The following TMEM8B variants were observed in gnomAD, a reference collection of about 807,000 sequenced individuals.
The protein encoded by TMEM8B is transmembrane protein 8B, also known as nasopharyngeal carcinoma expressed 6.
A neutral mutation model predicts 49.3 loss-of-function variants in TMEM8B; 29 were observed. The ratio of observed to expected loss-of-function variants is 0.59; its 90% CI spans 0.44 to 0.80. The LOEUF is 0.80. TMEM8B is among the 30% of genes least tolerant of loss of function. The pLI is 0.00. For synonymous variants in TMEM8B, 264 were observed against 272.8 expected, an observed-to-expected ratio of 0.97 and a Z score of 0.32; for missense variants, 575 against 658.5, an observed-to-expected ratio of 0.87 and a Z score of 1.39.
intron 10 of TMEM8B, among the ~76,000 whole-genome samples, chr9:35,852,524 T>C (rs1220012959): frequency 1.3e-5 from 2 of 152,134 alleles, no homozygotes; most frequent in South Asian, 2.1e-4. Context: ...TGGCCTCAGC[T>C]TGAGGGTATC....
Position 35,856,360 on chromosome 9 carries a change from T to C in TMEM8B, c.*2520T>C, listed in dbSNP as rs1242584193. On this transcript the variant is annotated 3_prime_UTR_variant, in exon 13 of 13. Coordinates refer to ENST00000643932, the MANE Select transcript of TMEM8B (RefSeq NM_001042590.4). ...AGAGGCAGGAAAGACTGATATTTAC[T>C]CCGGGCACTGAATAGTTCAGTGTGC... 2.0e-5 allele frequency: 3 copies of C among 152,278 alleles called. No individual in the cohort carries two copies. Among genetic ancestry groups the C allele is most frequent in the African/African-American group, 7.2e-5 (3 of 41,446 alleles). 9.4% of individuals were successfully genotyped at this position (152,278 alleles called of 1,614,324 possible).
intron 10 of TMEM8B, among the ~76,000 whole-genome samples, chr9:35,849,121 C>T (rs1831908408): frequency 6.6e-6 from 1 of 152,154 alleles, no homozygotes; most frequent in Admixed American, 6.5e-5. Flanking sequence ...TCTCTGTGGT[C>T]CCTCCTTGCC....
chr9:35,842,464 A>G lies in TMEM8B; in HGVS notation c.1382A>G (p.Asn461Ser), dbSNP rs749416871. The G allele has an allele frequency of 6.3e-7, 1 of 1,587,902 alleles. No homozygotes were observed. The change falls in exon 6 of 13, where the codon AAC (asparagine) becomes AGC (serine). Residue 461 changes from asparagine (N) to serine (S), a missense_variant. Transcript: ENST00000643932. The surrounding 1 kb of genome is among the most constrained non-coding windows in gnomAD (Gnocchi z 5.6). ...ATGAACATGCCCCAGTCCCTGGGCA[A>G]CCAGCCACTGCCCCCAGAACCGCCA... ...AAMNMPQSLG[N>S]QPLPPEPPSL... is the part of the protein sequence containing the mutation.
At chr9:35,837,590 T>C (rs1196741483) in intron 3 of TMEM8B, among the ~76,000 whole-genome samples, 1 of 152,116 alleles carries the variant, frequency 6.6e-6, no homozygotes, top group African/African-American at 2.4e-5. Flanking sequence ...CTGAGCGTGA[T>C]AGGGAGCCCT....
In TMEM8B at chr9:35,861,465, C is replaced by T. The variant is rs932738179; in HGVS notation, c.*7625C>T. The T allele has an allele frequency of 6.5e-6, 1 of 152,956 alleles. No homozygotes were observed. Among genetic ancestry groups the T allele is most frequent in the Non-Finnish European group, 1.5e-5 (1 of 68,388 alleles). The allele number at this position is 152,956 out of a possible 1,614,324, so 9.5% of individuals were successfully genotyped here. Reference sequence around the variant, plus strand: ...ACTGCCCTTGGCCATCCCTCTGTGTCATTGTGCGCTGTGGTGCACCTGTCT... The same window carrying T: ...ACTGCCCTTGGCCATCCCTCTGTGTTATTGTGCGCTGTGGTGCACCTGTCT... On this transcript the variant is annotated 3_prime_UTR_variant, in exon 13 of 13. Transcript: ENST00000643932.
chr9:35,846,464 C>G lies in TMEM8B; in HGVS notation c.1854-5C>G. The G allele has an allele frequency of 6.3e-7, 1 of 1,598,074 alleles. No individual in the cohort carries two copies. Among genetic ancestry groups the G allele is most frequent in the Non-Finnish European group, 8.5e-7 (1 of 1,172,102 alleles). ...GGCCCCAGGTGACTGCGAGTTTGTG[C>G]GCAGGTTCGTGCGGTGCCGCAACGC... On this transcript the variant is annotated splice_region_variant and splice_polypyrimidine_tract_variant and intron_variant, in intron 8 of 12. Transcript: ENST00000643932.
At chr9:35,847,436 C>G (rs1455034144) in intron 10 of TMEM8B, among the ~76,000 whole-genome samples, 2 of 152,232 alleles carry the variant, frequency 1.3e-5, no homozygotes, top group Non-Finnish European at 2.9e-5. Flanking sequence ...TGAGAGCTAG[C>G]TAGCTACTCT....
rs1256535605 is a variant in TMEM8B at position 35,856,676 on chromosome 9, GACCAATTTAAGAGCTGTTAGGAGTGA to G, written c.*2839_*2864del. 1 of 152,250 alleles carries G rather than the reference GACCAATTTAAGAGCTGTTAGGAGTGA, an allele frequency of 6.6e-6. No homozygotes were observed. 9.4% of individuals were successfully genotyped at this position (152,250 alleles called of 1,614,324 possible). The stretch of plus-strand genomic sequence containing the variant: ...AAAGCAATATCGGTGGAAAGGAGGG[GACCAATTTAAGAGCTGTTAGGAGTGA>G]ACTCTTTAGGACTTGGTGACTGATT... On this transcript the variant is annotated 3_prime_UTR_variant, in exon 13 of 13. Coordinates refer to ENST00000643932, the MANE Select transcript of TMEM8B (RefSeq NM_001042590.4).
At position 35,854,051 on chromosome 9, in the gene TMEM8B, T is replaced by G; in HGVS notation, c.*211T>G. 2 of 1,286,600 alleles carry G rather than the reference T, an allele frequency of 1.6e-6. No homozygotes were observed. Among genetic ancestry groups the G allele is most frequent in the Non-Finnish European group, 2.0e-6 (2 of 1,020,962 alleles). 79.7% of individuals were successfully genotyped at this position (1,286,600 alleles called of 1,614,324 possible). The stretch of plus-strand genomic sequence containing the variant: ...GAGTCCCCCTGCATCATGGAGTCCT[T>G]CTTAAGGACTGGAGCCTATGCAGGC... On this transcript the variant is annotated 3_prime_UTR_variant, in exon 13 of 13. Transcript: ENST00000643932.
intron 10 of TMEM8B, among the ~76,000 whole-genome samples, chr9:35,850,223 G>A (rs1832009088): frequency 6.6e-6 from 1 of 152,132 alleles, no homozygotes; most frequent in Admixed American, 6.5e-5. Context: ...AGCATTAGAT[G>A]CACTGTTACA....
intron 3 of TMEM8B, chr9:35,835,560 G>T (rs1056933490): frequency 9.3e-6 from 2 of 214,420 alleles, no homozygotes; most frequent in Non-Finnish European, 1.9e-5. Flanking sequence ...GCTATGGGCT[G>T]GTCCAATCTG....
intron 1 of TMEM8B, among the ~76,000 whole-genome samples, chr9:35,832,513 C>T (rs566708971): frequency 6.6e-6 from 1 of 152,224 alleles, no homozygotes; most frequent in Admixed American, 6.5e-5. Context: ...GTGGGGATGG[C>T]TTAGCTAGTT....
chr9:35,837,160 G>A (rs1260297719), intron 3 of TMEM8B, among the ~76,000 whole-genome samples: 1 of 152,150 alleles, frequency 6.6e-6, no homozygotes, highest in Non-Finnish European at 1.5e-5. Flanking sequence ...GGTGGGAACT[G>A]AAGAGTCCCA....
At position 35,829,415 on chromosome 9, in the gene TMEM8B, C is replaced by T. The variant is rs186013232; in HGVS notation, c.-33C>T. 85 of 346,046 alleles carry T rather than the reference C, an allele frequency of 2.5e-4. 1 individual carries two copies. Among genetic ancestry groups the T allele is most frequent in the African/African-American group, 1.8e-3 (82 of 46,258 alleles). 21.4% of individuals were successfully genotyped at this position (346,046 alleles called of 1,614,324 possible). A position where few individuals can be genotyped will look rare whatever the true frequency, so the allele number is the denominator to read the frequency against. ...GGGCCAGCTCTGCGAGCGCCCCGCG[C>T]TGGCCTGTCCGGCCCCGCCCCCGCC... On this transcript the variant is annotated 5_prime_UTR_variant, in exon 1 of 13. Coordinates refer to ENST00000643932, the MANE Select transcript of TMEM8B (RefSeq NM_001042590.4).
At position 35,846,399 on chromosome 9, in the gene TMEM8B, G is replaced by A. The variant is rs773525104; in HGVS notation, c.1853+18G>A. ...GGGCCTCGGTGAGCGGTGCGGGGCG[G>A]GGCCAGGGCTGGGACCGGGACTTGG... On this transcript the variant is annotated intron_variant, in intron 8 of 12. Coordinates refer to ENST00000643932, the MANE Select transcript of TMEM8B (RefSeq NM_001042590.4). 8 of 1,607,212 alleles carry A rather than the reference G, an allele frequency of 5.0e-6. No individual in the cohort carries two copies. The highest frequency in any genetic ancestry group is 1.7e-4 in the Middle Eastern group (1 of 6,020).
At chr9:35,850,090 T>C (rs1035912761) in intron 10 of TMEM8B, among the ~76,000 whole-genome samples, 1 of 152,160 alleles carries the variant, frequency 6.6e-6, no homozygotes, top group African/African-American at 2.4e-5. Flanking sequence ...CAAGAGAAAA[T>C]GAAAGCAGAA....
chr9:35,847,738 C>G lies in TMEM8B; in HGVS notation c.2175+743C>G, dbSNP rs532507428. On this transcript the variant is annotated intron_variant, in intron 10 of 12. Coordinates refer to ENST00000643932, the MANE Select transcript of TMEM8B (RefSeq NM_001042590.4). ...ATGAAGATTAATATAGTTTAAAACC[C>G]CTCCATTCCCATTGCAGAATTGCCA... Among the ~76,000 whole-genome samples the G allele has an allele frequency of 3.7e-4, 57 of 152,274 alleles. No individual in the cohort carries two copies. In the South Asian group the frequency reaches 5.6e-3, roughly 15 times the overall value.
rs564904941 is a variant in TMEM8B at position 35,854,933 on chromosome 9, T to C, written c.*1093T>C. ...GGTCATAGCTGAGTTCTGAGGGTCT[T>C]ACATAATGCCAAGAAGTTGGGAGAG... On this transcript the variant is annotated 3_prime_UTR_variant, in exon 13 of 13. Transcript: ENST00000643932. 2 of 152,352 alleles carry C rather than the reference T, an allele frequency of 1.3e-5. No homozygotes were observed. The highest frequency in any genetic ancestry group is 3.9e-4 in the East Asian group (2 of 5,188). The allele number at this position is 152,352 out of a possible 1,614,324, so 9.4% of individuals were successfully genotyped here. A position where few individuals can be genotyped will look rare whatever the true frequency, so the allele number is the denominator to read the frequency against.
rs566460559 is a variant in TMEM8B, at chr9:35,861,590, C to T, written c.*7750C>T. 13 of 152,792 alleles carry T rather than the reference C, an allele frequency of 8.5e-5. No individual in the cohort carries two copies. The highest frequency in any genetic ancestry group is 2.1e-4 in the South Asian group (1 of 4,832). 9.5% of individuals were successfully genotyped at this position (152,792 alleles called of 1,614,324 possible). ...AGGCACCCAGCAGATAGCGAATGCA[C>T]GACTCCAAAACCCAGCTTTGCCTCC... is the stretch of plus-strand genomic sequence containing the variant. On this transcript the variant is annotated 3_prime_UTR_variant, in exon 13 of 13. Coordinates refer to ENST00000643932, the MANE Select transcript of TMEM8B (RefSeq NM_001042590.4).
Sources: allele counts gnomAD v4.1 joint callset (sites outside exome capture counted in the v4.1 genomes callset), GRCh38; gene constraint gnomAD v4.1.1; non-coding constraint Gnocchi (gnomAD v3.1); transcripts MANE v1.5; gene names NCBI Gene and HGNC (gene_info 2026-07-23, HGNC 2026-07-21).